DACH2: variants seen among roughly 807,000 people sequenced by gnomAD.
DACH2 encodes dachshund family transcription factor 2.
In DACH2, 17 loss-of-function variants were observed where a neutral mutation model predicts 35.8. The observed-to-expected ratio is 0.48, with a 90% CI of 0.33 to 0.71. The LOEUF (loss-of-function observed/expected upper bound fraction) is 0.71, where lower values mean the gene tolerates loss of function less well. DACH2 is among the 30% of genes least tolerant of loss of function. The pLI, the probability that DACH2 is intolerant of heterozygous loss-of-function variation, is 0.02. For synonymous variants in DACH2, 195 were observed against 177.3 expected (o/e 1.10, Z -0.79); for missense variants, 469 against 472.7 (o/e 0.99, Z 0.07).
At chrX:86,740,002 T>A (rs2041637309) in intron 7 of DACH2, 120 bp downstream of exon 7, 1 of 676,790 alleles carries the variant, frequency 1.5e-6, no homozygotes, top group African/African-American at 2.2e-5. Context: ...TAAATAGCTT[T>A]TTGAAATTTG....
chrX:86,403,231 A>T (rs763760214), intron 2 of DACH2, among the ~76,000 whole-genome samples: 2 of 112,326 alleles, frequency 1.8e-5, no homozygotes, highest in Non-Finnish European at 3.8e-5. Flanking sequence ...AGAAATTTTC[A>T]TCAGAGTAAA....
chrX:86,788,324 T>G (rs985919708), intron 7 of DACH2, among the ~76,000 whole-genome samples: 7 of 110,633 alleles, frequency 6.3e-5, no homozygotes, highest in Non-Finnish European at 1.3e-4. Context: ...TGACTTTCCC[T>G]GGTGCTAGCT....
chrX:86,561,661 A>G (rs1427750965), intron 3 of DACH2, among the ~76,000 whole-genome samples: 1 of 36,412 alleles, frequency 2.7e-5, no homozygotes, highest in East Asian at 8.8e-4. Flanking sequence ...CAAAAAACCA[A>G]ACACCGCATA....
intron 1 of DACH2, among the ~76,000 whole-genome samples, chrX:86,236,397 A>G (rs1448014597): frequency 8.9e-6 from 1 of 112,197 alleles, no homozygotes; most frequent in African/African-American, 3.2e-5. Context: ...AAAATTGTTA[A>G]CACAAGCCCA....
chrX:86,704,697 A>G (rs1306094212), intron 5 of DACH2, among the ~76,000 whole-genome samples: 1 of 111,446 alleles, frequency 9.0e-6, no homozygotes, highest in Non-Finnish European at 1.9e-5. Context: ...TCACAGTGCA[A>G]TACCACCTTA....
intron 1 of DACH2, among the ~76,000 whole-genome samples, chrX:86,222,988 A>G (rs2032748029): frequency 8.9e-6 from 1 of 111,946 alleles, no homozygotes; most frequent in Admixed American, 9.5e-5. Flanking sequence ...AGAAAAGTTT[A>G]ATATCTAGGG....
At chrX:86,258,581 T>C (rs2033568836) in intron 1 of DACH2, among the ~76,000 whole-genome samples, 1 of 111,770 alleles carries the variant, frequency 8.9e-6, no homozygotes, top group African/African-American at 3.2e-5. Context: ...GTTATGCTTT[T>C]TAAATCTGGT....
chrX:86,276,483 T>A (rs985140328), intron 1 of DACH2, among the ~76,000 whole-genome samples: 1 of 111,771 alleles, frequency 8.9e-6, no homozygotes, highest in Non-Finnish European at 1.9e-5. Flanking sequence ...CTGTGAGTAG[T>A]GTTTTCATTT....
rs888241254 is a variant in DACH2, at chrX:86,731,891, T to C, written c.1105-7856T>C. On this transcript the variant is annotated intron_variant, in intron 6 of 11. Transcript: ENST00000373125. The stretch of plus-strand genomic sequence containing the variant: ...CCTTGCCTTCATGGATTTAAATAAT[T>C]AACAATGCATCTTAGATGCATAGGA... Among the ~76,000 whole-genome samples, 2 of 112,059 alleles carry C rather than the reference T, an allele frequency of 1.8e-5. 1 individual carries two copies. Among genetic ancestry groups the C allele is most frequent in the African/African-American group, 6.5e-5 (2 of 30,921 alleles).
At chrX:86,626,052 A>G (rs1303565803) in intron 3 of DACH2, among the ~76,000 whole-genome samples, 1 of 112,049 alleles carries the variant, frequency 8.9e-6, no homozygotes, top group African/African-American at 3.2e-5. Flanking sequence ...TCCACAGTCC[A>G]AAGTCTCATC....
chrX:86,314,811 A>G (rs1189466663), intron 1 of DACH2, among the ~76,000 whole-genome samples: 1 of 111,848 alleles, frequency 8.9e-6, no homozygotes, highest in African/African-American at 3.2e-5. Context: ...CTTCAATTCT[A>G]TGAAGGCTGA....
chrX:86,322,799 G>T (rs918487112), intron 1 of DACH2, among the ~76,000 whole-genome samples: 2 of 112,262 alleles, frequency 1.8e-5, no homozygotes, highest in South Asian at 3.7e-4. Flanking sequence ...TTAACTTTCA[G>T]ACATAAAATC....
intron 6 of DACH2, among the ~76,000 whole-genome samples, chrX:86,722,921 A>G (rs777682185): frequency 6.3e-5 from 7 of 111,369 alleles, no homozygotes; most frequent in Non-Finnish European, 1.3e-4. Flanking sequence ...GATTGGTGTT[A>G]GTAGAATTTG....
intron 1 of DACH2, among the ~76,000 whole-genome samples, chrX:86,225,647 G>A (rs66830365): frequency 0.1 from 11,196 of 110,292 alleles, 1,428 homozygotes; most frequent in African/African-American, 0.35. Context: ...GGAGAGGGAG[G>A]GAGTGTTGGG....
At chrX:86,170,016 G>T (rs916558507) in intron 1 of DACH2, among the ~76,000 whole-genome samples, 1 of 111,251 alleles carries the variant, frequency 9.0e-6, no homozygotes, top group African/African-American at 3.3e-5. Context: ...AAAGACTTGG[G>T]TGTTGTGATC....
chrX:86,528,157 G>C (rs1337803934), intron 3 of DACH2, among the ~76,000 whole-genome samples: 1 of 111,557 alleles, frequency 9.0e-6, no homozygotes, highest in Non-Finnish European at 1.9e-5. Context: ...GGAGCATAGA[G>C]AAAGTGGAAA....
chrX:86,635,214 A>C (rs2040248591), intron 3 of DACH2, among the ~76,000 whole-genome samples: 1 of 110,877 alleles, frequency 9.0e-6, no homozygotes, highest in Non-Finnish European at 1.9e-5. Context: ...TTGCTTCAAC[A>C]TGCACAAATC....
intron 3 of DACH2, among the ~76,000 whole-genome samples, chrX:86,607,893 T>C (rs2039880912): frequency 9.3e-6 from 1 of 107,058 alleles, no homozygotes; most frequent in Admixed American, 1.0e-4. Flanking sequence ...TGATTTCCAA[T>C]TTCATCCATG....
intron 7 of DACH2, among the ~76,000 whole-genome samples, chrX:86,763,743 T>G (rs1009337765): frequency 5.3e-5 from 6 of 112,185 alleles, no homozygotes; most frequent in African/African-American, 1.9e-4. Flanking sequence ...ACAGATGATG[T>G]TCTAATGACA....
Sources: allele counts gnomAD v4.1 joint callset (sites outside exome capture counted in the v4.1 genomes callset), GRCh38; gene constraint gnomAD v4.1.1; transcripts MANE v1.5; gene names NCBI Gene and HGNC (gene_info 2026-07-23, HGNC 2026-07-21).